Variants in TMPRSS9 observed in about 807,000 individuals in gnomAD.
TMPRSS9 encodes transmembrane protease serine 9.
A neutral mutation model predicts 111.4 loss-of-function variants in TMPRSS9; 113 were observed. The ratio of observed to expected loss-of-function variants is 1.01; its 90% CI spans 0.87 to 1.19. TMPRSS9 has a LOEUF of 1.19. Ranked by LOEUF, TMPRSS9 falls within the 50% of genes most tolerant of loss-of-function variation. The pLI is 0.00. For synonymous variants in TMPRSS9, 805 were observed against 659.1 expected (o/e 1.22, Z -3.39); for missense variants, 1,803 against 1,513.1 (o/e 1.19, Z -3.18).
At chr19:2,391,065 CAGGTAGGCAGGA>C (rs1235071845) in intron 1 of TMPRSS9, among the ~76,000 whole-genome samples, 6 of 148,096 alleles carry the variant, frequency 4.1e-5, no homozygotes, top group South Asian at 2.2e-4. Context: ...GGCAGGCAGG[CAGGTAGGCAGGA>C]AGGAAGGAAG....
At chr19:2,399,144 C>G in exon 4 of TMPRSS9, 6 of 1,612,878 alleles carry the variant, frequency 3.7e-6, no homozygotes, top group Non-Finnish European at 4.2e-6. Flanking sequence ...TGCGGGAGCA[C>G]GGCATCTCCC....
rs112276283 is a variant in TMPRSS9, at chr19:2,380,598, C to CAAAAAAA, written c.-25-9154_-25-9148dup. ...CCTGGGCAACAGAGCAAGACTCCAC[C>CAAAAAAA]AAAAAAAAAAAAAAAGACAGTGGAT... is the stretch of plus-strand genomic sequence containing the variant. On this transcript the variant is annotated intron_variant, in intron 1 of 17. Coordinates refer to the TMPRSS9 transcript ENST00000649857. Among the ~76,000 whole-genome samples the CAAAAAAA allele has an allele frequency of 3.4e-4, 38 of 110,866 alleles. 1 individual carries two copies. Among genetic ancestry groups the CAAAAAAA allele is most frequent in the African/African-American group, 1.1e-3 (30 of 28,258 alleles). The allele number at this position is 110,866 out of a possible 152,430, so 72.7% of individuals were successfully genotyped here.
chr19:2,369,293 G>A (rs1267814388), intron 1 of TMPRSS9, among the ~76,000 whole-genome samples: 1 of 152,184 alleles, frequency 6.6e-6, no homozygotes, highest in Non-Finnish European at 1.5e-5. Context: ...GAGTACGAAA[G>A]TGGAGCTGCT....
In TMPRSS9 at chr19:2,418,141, A is replaced by G; in HGVS notation, c.2154+3A>G. On this transcript the variant is annotated splice_donor_region_variant and intron_variant, in intron 13 of 17. Coordinates refer to ENST00000648592, the Ensembl canonical transcript of TMPRSS9. ...AAGGCAAAGTCGACTCCTGCCAGGT[A>G]AGCATTCAAAGGGGGAAAGCGGGCA... is the stretch of plus-strand genomic sequence containing the variant. 1.2e-6 allele frequency: 2 copies of G among 1,610,916 alleles called. No homozygotes were observed. Among genetic ancestry groups the G allele is most frequent in the Non-Finnish European group, 1.7e-6 (2 of 1,178,784 alleles).
chr19:2,410,636 G>T (rs1177000269), intron 9 of TMPRSS9, among the ~76,000 whole-genome samples: 2 of 152,126 alleles, frequency 1.3e-5, no homozygotes, highest in Admixed American at 1.3e-4. Context: ...GGATCTTCCA[G>T]AAGCTCTAAC....
At chr19:2,379,407 A>G (rs1009119830) in intron 1 of TMPRSS9, among the ~76,000 whole-genome samples, 4 of 151,760 alleles carry the variant, frequency 2.6e-5, no homozygotes, top group South Asian at 2.1e-4. Flanking sequence ...GGATAGTCTC[A>G]ATCTCCTGAC....
chr19:2,398,620 A>AATAC (rs1491183830), intron 2 of TMPRSS9, among the ~76,000 whole-genome samples, 175 bp from the exon 4 acceptor site: 11 of 152,164 alleles, frequency 7.2e-5, no homozygotes, highest in Admixed American at 2.6e-4. Context: ...TCTGTCTCAC[A>AATAC]ATACATACAT....
At chr19:2,394,771 GT>G (rs2145298075) in intron 1 of TMPRSS9, among the ~76,000 whole-genome samples, 1 of 141,432 alleles carries the variant, frequency 7.1e-6, no homozygotes, top group Non-Finnish European at 1.5e-5. Context: ...TGGTTTAAAT[GT>G]TGTAATTACG....
Position 2,383,778 on chromosome 19 carries a change from T to C in TMPRSS9, c.-25-5983T>C, listed in dbSNP as rs573415083. Among the ~76,000 whole-genome samples, 110 of 150,704 alleles carry C rather than the reference T, an allele frequency of 7.3e-4. 1 individual carries two copies. Among genetic ancestry groups the C allele is most frequent in the African/African-American group, 2.4e-3 (100 of 41,108 alleles). ...ATGATCACACCACTGCACTCCAGCC[T>C]GGGGGACAGAGTGAGACCCCCCCAT... is the stretch of plus-strand genomic sequence containing the variant. On this transcript the variant is annotated intron_variant, in intron 1 of 17. Transcript: ENST00000649857.
chr19:2,400,238 A>G (rs1041267289), intron 4 of TMPRSS9, among the ~76,000 whole-genome samples: 1 of 152,210 alleles, frequency 6.6e-6, no homozygotes, highest in African/African-American at 2.4e-5. Context: ...TAAATGCTAC[A>G]CTCTAATAAA....
chr19:2,417,750 C>T (rs1971283402), intron 12 of TMPRSS9, among the ~76,000 whole-genome samples: 4 of 152,176 alleles, frequency 2.6e-5, no homozygotes, highest in Non-Finnish European at 4.4e-5. Context: ...CTCAGAATGG[C>T]CTCCTACACC....
rs1391106373 is a variant in TMPRSS9, at chr19:2,418,301, C to CTTTCTCTCCT, written c.2154+164_2154+165insTTCTCTCCTT. Among the ~76,000 whole-genome samples the CTTTCTCTCCT allele has an allele frequency of 2.3e-4, 16 of 68,662 alleles. 1 individual carries two copies. Among genetic ancestry groups the CTTTCTCTCCT allele is most frequent in the African/African-American group, 1.0e-3 (9 of 8,706 alleles). 45.0% of individuals were successfully genotyped at this position (68,662 alleles called of 152,430 possible). On this transcript the variant is annotated intron_variant, in intron 13 of 17. Coordinates refer to ENST00000648592, the Ensembl canonical transcript of TMPRSS9. ...CCTTTTCCTTTCCTCCTTTCCTTCC[C>CTTTCTCTCCT]TCCCTTTCCCTCCCTCCCTCCCTCC...
At chr19:2,396,934 T>A (rs1167107786) in intron 2 of TMPRSS9, among the ~76,000 whole-genome samples, 1 of 151,936 alleles carries the variant, frequency 6.6e-6, no homozygotes, top group Non-Finnish European at 1.5e-5. Context: ...TTTCTTTTTT[T>A]TCTTGAGACG....
intron 12 of TMPRSS9, among the ~76,000 whole-genome samples, chr19:2,417,204 A>C (rs1316199981): frequency 1.3e-5 from 2 of 152,142 alleles, no homozygotes; most frequent in African/African-American, 4.8e-5. Context: ...GGTGGCTCAC[A>C]CCTGTAATCC....
chr19:2,389,655 A>C (rs1599285106), upstream of TMPRSS9: 2 of 1,146,314 alleles, frequency 1.7e-6, no homozygotes, highest in Non-Finnish European at 2.4e-6. Flanking sequence ...GGCGTGAGCC[A>C]CCGCGCCCCG....
At chr19:2,416,492 G>T in intron 11 of TMPRSS9, 46 bp from the exon 13 acceptor site, 1 of 1,570,016 alleles carries the variant, frequency 6.4e-7, no homozygotes. Flanking sequence ...CAAGAAGGCG[G>T]GCATGTGCTG....
At chr19:2,407,843 G>A (rs1337099465) in intron 7 of TMPRSS9, among the ~76,000 whole-genome samples, 2 of 151,646 alleles carry the variant, frequency 1.3e-5, no homozygotes, top group African/African-American at 4.8e-5. Context: ...GGAGTGCAGT[G>A]GCACAATATC....
chr19:2,390,585 G>T lies in TMPRSS9; in HGVS notation c.142+658G>T, dbSNP rs568965421. Among the ~76,000 whole-genome samples, 12 of 151,128 alleles carry T rather than the reference G, an allele frequency of 7.9e-5. No individual in the cohort carries two copies. The South Asian group carries it at 2.5e-3, about 32-fold the overall frequency. ...AAACCGAGCAACTGGGTTGGGCGTG[G>T]TGGCTCCCGCCTGTAATCCCAGCAC... is the stretch of plus-strand genomic sequence containing the variant. On this transcript the variant is annotated intron_variant, in intron 1 of 17. Coordinates refer to ENST00000648592, the Ensembl canonical transcript of TMPRSS9.
In TMPRSS9 at chr19:2,413,680, G is replaced by T. The variant is rs1160471267; in HGVS notation, c.1255-20G>T. The T allele has an allele frequency of 6.3e-7, 1 of 1,589,224 alleles. No individual in the cohort carries two copies. Among genetic ancestry groups the T allele is most frequent in the Non-Finnish European group, 8.6e-7 (1 of 1,162,364 alleles). On this transcript the variant is annotated intron_variant, in intron 9 of 17. Transcript: ENST00000648592. ...CTGGCTGCTGCCGACCCATCCTGAG[G>T]GTGTGTGTTGGTTTCCTAGGGTGAC...
Sources: gnomAD v4.1 joint callset for allele counts (sites outside exome capture counted in the v4.1 genomes callset) on GRCh38, gnomAD v4.1.1 for gene constraint, MANE v1.5 for transcripts, NCBI Gene and HGNC (gene_info 2026-07-23, HGNC 2026-07-21) for gene names.